ORC4: variants seen among roughly 807,000 people sequenced by gnomAD.
The protein encoded by ORC4 is origin recognition complex, subunit 4 homolog.
Under a neutral mutation model 63.9 loss-of-function variants are expected in ORC4, and 55 were observed. The observed-to-expected ratio is 0.86, with a 90% CI of 0.69 to 1.08. The LOEUF is 1.08. Among genes scored for constraint, ORC4 ranks in the 50% least tolerant of loss-of-function variants. The pLI is 0.00. For synonymous variants in ORC4, 150 were observed against 168.5 expected (o/e 0.89, Z 0.85); for missense variants, 511 against 504.4 (o/e 1.01, Z -0.13).
chr2:148,015,893 T>C (rs1693251910), intron 1 of ORC4, among the ~76,000 whole-genome samples: 1 of 152,150 alleles, frequency 6.6e-6, no homozygotes, highest in African/African-American at 2.4e-5. Context: ...TTGCAAAAGA[T>C]ACCAGAGCCT....
intron 1 of ORC4, among the ~76,000 whole-genome samples, chr2:148,011,001 G>T (rs1403144437): frequency 3.3e-5 from 5 of 151,848 alleles, no homozygotes; most frequent in African/African-American, 1.2e-4. Flanking sequence ...GCTAATTTTT[G>T]TATTTTTTGT....
upstream of ORC4, chr2:148,021,363 A>C: frequency 2.5e-6 from 1 of 396,560 alleles, no homozygotes. Context: ...TCACCCCTCC[A>C]ACTCGCCTCC....
intron 1 of ORC4, among the ~76,000 whole-genome samples, chr2:147,994,216 A>C (rs1408005547): frequency 6.6e-6 from 1 of 152,238 alleles, no homozygotes; most frequent in Non-Finnish European, 1.5e-5. Flanking sequence ...AAATCAAAGA[A>C]AGTCTAAATA....
intron 1 of ORC4, among the ~76,000 whole-genome samples, chr2:148,005,374 G>A (rs1692562483): frequency 2.6e-5 from 4 of 152,058 alleles, no homozygotes; most frequent in Admixed American, 2.6e-4. Context: ...GACACAGGGA[G>A]GGCAACATCA....
chr2:148,001,753 A>G (rs1019839447), intron 1 of ORC4, among the ~76,000 whole-genome samples: 1 of 152,220 alleles, frequency 6.6e-6, no homozygotes, highest in Non-Finnish European at 1.5e-5. Context: ...AAATTCACAC[A>G]TAACAATATT....
intron 1 of ORC4, among the ~76,000 whole-genome samples, chr2:147,979,840 A>C (rs569022258): frequency 6.6e-6 from 1 of 152,316 alleles, no homozygotes; most frequent in East Asian, 1.9e-4. Context: ...CAGTCTCTTC[A>C]AGAAATGGTG....
intron 1 of ORC4, among the ~76,000 whole-genome samples, chr2:148,000,070 A>T (rs1055888443): frequency 1.3e-5 from 2 of 151,654 alleles, no homozygotes; most frequent in South Asian, 4.2e-4. Context: ...GAAAAAAAAA[A>T]CATAAAAAAT....
chr2:147,980,031 C>A (rs1359215937), intron 1 of ORC4, among the ~76,000 whole-genome samples: 1 of 151,958 alleles, frequency 6.6e-6, no homozygotes, highest in African/African-American at 2.4e-5. Context: ...GGATATGACT[C>A]CAAAAGCAGA....
At position 147,933,166 on chromosome 2, in the gene ORC4, CA is replaced by C. The variant is rs1410693243; in HGVS notation, c.*2343del. ...TCAGATTGAAAAGCAGGAGTTCATGCATTTTTTGGTTCTATTTTTCCTCCTC... is the reference window on the plus strand; with the variant it reads ...TCAGATTGAAAAGCAGGAGTTCATGCTTTTTTGGTTCTATTTTTCCTCCTC... On this transcript the variant is annotated 3_prime_UTR_variant, in exon 14 of 14. Coordinates refer to ENST00000392857, the MANE Select transcript of ORC4 (RefSeq NM_181741.4). 3 of 152,006 alleles carry C rather than the reference CA, an allele frequency of 2.0e-5. No individual in the cohort carries two copies. The highest frequency in any genetic ancestry group is 4.4e-5 in the Non-Finnish European group (3 of 67,986). The allele number at this position is 152,006 out of a possible 1,614,324, so 9.4% of individuals were successfully genotyped here.
chr2:148,017,909 A>G (rs1044265675), intron 1 of ORC4, among the ~76,000 whole-genome samples: 1 of 152,192 alleles, frequency 6.6e-6, no homozygotes, highest in Non-Finnish European at 1.5e-5. Flanking sequence ...AATGAATAGC[A>G]CAAGCATAGA....
intron 1 of ORC4, among the ~76,000 whole-genome samples, chr2:147,988,168 T>C (rs1691342319): frequency 6.6e-6 from 1 of 152,090 alleles, no homozygotes; most frequent in East Asian, 1.9e-4. Context: ...AAATTTTACT[T>C]GGTCTCTGTA....
At chr2:147,986,642 A>G (rs1691213907) in intron 1 of ORC4, among the ~76,000 whole-genome samples, 1 of 152,206 alleles carries the variant, frequency 6.6e-6, no homozygotes, top group East Asian at 1.9e-4. Context: ...TAGCCTTATC[A>G]AATAAGAATG....
At chr2:148,000,882 G>A (rs558477717) in intron 1 of ORC4, among the ~76,000 whole-genome samples, 15 of 152,060 alleles carry the variant, frequency 9.9e-5, no homozygotes, top group Non-Finnish European at 1.6e-4. Flanking sequence ...GGGAATGGAT[G>A]GGATGTTTGT....
At chr2:147,985,229 C>T (rs1010028225) in intron 1 of ORC4, among the ~76,000 whole-genome samples, 1 of 152,150 alleles carries the variant, frequency 6.6e-6, no homozygotes, top group Non-Finnish European at 1.5e-5. Flanking sequence ...CAGAGTCTCG[C>T]TCTGTTGCCC....
chr2:147,984,200 T>A (rs376546845), intron 1 of ORC4, among the ~76,000 whole-genome samples: 2 of 152,162 alleles, frequency 1.3e-5, no homozygotes. Flanking sequence ...CCCTTCTACC[T>A]CCTCCACCTC....
intron 2 of ORC4, among the ~76,000 whole-genome samples, chr2:147,974,193 T>G (rs925782116): frequency 7.2e-5 from 11 of 152,178 alleles, no homozygotes; most frequent in Admixed American, 2.6e-4. Flanking sequence ...TACATACTTG[T>G]TCATTATCGA....
At chr2:147,966,529 T>A (rs554578718) in intron 4 of ORC4, among the ~76,000 whole-genome samples, 1 of 152,040 alleles carries the variant, frequency 6.6e-6, no homozygotes, top group South Asian at 2.1e-4. Flanking sequence ...GACATCAAAC[T>A]GAATATCACA....
rs193079247 is a variant in ORC4 at position 148,016,517 on chromosome 2, G to C, written c.-18+4116C>G. ...CTGCACAACCAACACTTCAAAAGTT[G>C]AACGAACTGGGCTACAAAGTTTTGC... On this transcript the variant is annotated intron_variant, in intron 1 of 13. Transcript: ENST00000392857. 3.9e-5 allele frequency among the ~76,000 whole-genome samples: 6 copies of C among 152,294 alleles called. No individual in the cohort carries two copies. In the East Asian group the frequency reaches 1.2e-3, roughly 29 times the overall value.
At chr2:147,990,759 T>G (rs1465780728) in intron 1 of ORC4, among the ~76,000 whole-genome samples, 2 of 152,218 alleles carry the variant, frequency 1.3e-5, no homozygotes, top group African/African-American at 4.8e-5. Flanking sequence ...ACATTCAGAT[T>G]AAATGATTCC....
Sources: gnomAD v4.1 joint callset for allele counts (sites outside exome capture counted in the v4.1 genomes callset) on GRCh38, gnomAD v4.1.1 for gene constraint, MANE v1.5 for transcripts, NCBI Gene and HGNC (gene_info 2026-07-23, HGNC 2026-07-21) for gene names.